Variants in KIF5C observed in about 807,000 individuals in gnomAD.
The protein encoded by KIF5C is kinesin family member 5C, also known as kinesin heavy chain isoform 5C.
Under a neutral mutation model 125.2 loss-of-function variants are expected in KIF5C, and 18 were observed. That is an observed-to-expected ratio of 0.14 (90% CI 0.10 to 0.21). KIF5C has a LOEUF of 0.21. Among genes scored for constraint, KIF5C ranks in the 10% least tolerant of loss-of-function variants. The pLI, the probability that KIF5C is intolerant of heterozygous loss-of-function variation, is 1.00. For missense variants in KIF5C, 780 were observed against 1,183.8 expected (o/e 0.66, Z 5.01); for synonymous variants, 405 against 434.0 (o/e 0.93, Z 0.83).
chr2:148,939,036 A>T (rs573437741), intron 4 of KIF5C, among the ~76,000 whole-genome samples: 1 of 151,310 alleles, frequency 6.6e-6, no homozygotes, highest in Admixed American at 6.6e-5. Flanking sequence ...CAGAGGTTGC[A>T]GTGAGCTGAG....
chr2:148,906,724 G>T (rs937810818), intron 1 of KIF5C, among the ~76,000 whole-genome samples: 3 of 151,708 alleles, frequency 2.0e-5, no homozygotes, highest in Non-Finnish European at 2.9e-5. Flanking sequence ...AATTACCTGG[G>T]TGTGGTGGTG....
intron 3 of KIF5C, among the ~76,000 whole-genome samples, chr2:148,935,334 A>G (rs150877395): frequency 1.7e-3 from 265 of 152,354 alleles, no homozygotes; most frequent in African/African-American, 5.8e-3. Flanking sequence ...TGGATTATCA[A>G]TCGTTCTTCT....
intron 14 of KIF5C, among the ~76,000 whole-genome samples, chr2:148,982,485 G>A (rs977973858): frequency 6.6e-6 from 1 of 152,210 alleles, no homozygotes; most frequent in Non-Finnish European, 1.5e-5. Flanking sequence ...AGCAGATGGC[G>A]CAGGAGAGTG....
chr2:148,990,168 C>T (rs1169903855), intron 15 of KIF5C, among the ~76,000 whole-genome samples: 1 of 152,194 alleles, frequency 6.6e-6, no homozygotes, highest in Non-Finnish European at 1.5e-5. Flanking sequence ...GTTTGCATTT[C>T]AGCGGATGGG....
intron 3 of KIF5C, among the ~76,000 whole-genome samples, chr2:148,935,627 C>T (rs1468940798): frequency 6.6e-6 from 1 of 152,172 alleles, no homozygotes; most frequent in Non-Finnish European, 1.5e-5. Context: ...GTTTTCTTTC[C>T]TAAGATATAT....
rs538601855 is a variant in KIF5C at position 148,953,147 on chromosome 2, G to A, written c.968+2685G>A. 2.6e-5 allele frequency among the ~76,000 whole-genome samples: 4 copies of A among 152,358 alleles called. No individual in the cohort carries two copies. In the East Asian group the frequency reaches 7.7e-4, roughly 29 times the overall value. ...TGCTCTCTGTGACAGCAGGGACTGA[G>A]TTTGTCACAGACATTAGTTTCTCAT... On this transcript the variant is annotated intron_variant, in intron 10 of 25. Transcript: ENST00000435030.
intron 7 of KIF5C, among the ~76,000 whole-genome samples, chr2:148,945,721 C>G (rs555676518): frequency 2.6e-5 from 4 of 152,146 alleles, no homozygotes; most frequent in Non-Finnish European, 5.9e-5. Flanking sequence ...CCCTTCCCCT[C>G]AAGTCCCCAA....
chr2:148,989,005 G>A (rs1681454159), intron 15 of KIF5C, among the ~76,000 whole-genome samples: 1 of 152,200 alleles, frequency 6.6e-6, no homozygotes, highest in South Asian at 2.1e-4. Context: ...GACAGGTGGT[G>A]TTTGGTTACA....
chr2:148,906,581 G>A (rs1681117667), intron 1 of KIF5C, among the ~76,000 whole-genome samples: 1 of 151,972 alleles, frequency 6.6e-6, no homozygotes, highest in Admixed American at 6.6e-5. Context: ...TAAAAATAAT[G>A]AAGTCAGGCA....
At chr2:148,913,719 A>G (rs1574730806) in intron 1 of KIF5C, among the ~76,000 whole-genome samples, 1 of 152,200 alleles carries the variant, frequency 6.6e-6, no homozygotes, top group African/African-American at 2.4e-5. Flanking sequence ...ACCGGATGGT[A>G]CTGCACTGTG....
At chr2:148,881,886 G>C (rs1422054684) in intron 1 of KIF5C, among the ~76,000 whole-genome samples, 1 of 152,040 alleles carries the variant, frequency 6.6e-6, no homozygotes, top group African/African-American at 2.4e-5. Flanking sequence ...GTAAAAAAAA[G>C]CAAAAACAAA....
chr2:148,938,106 ATAG>A (rs1289683820), intron 4 of KIF5C, among the ~76,000 whole-genome samples: 2 of 152,192 alleles, frequency 1.3e-5, no homozygotes, highest in East Asian at 3.8e-4. Flanking sequence ...ATCAAATTTG[ATAG>A]TAGGGTATAT....
In KIF5C at chr2:149,000,673, A is replaced by G. The variant is rs368150762; in HGVS notation, c.2313-49A>G. On this transcript the variant is annotated intron_variant, in intron 20 of 25. Transcript: ENST00000435030. ...CTGTGGATGCAAATAGTATCTGCTG[A>G]AATCTCTGAGTCCCCTGTGGTGGTC... 2.1e-5 allele frequency: 33 copies of G among 1,605,744 alleles called. No individual in the cohort carries two copies. The African/African-American group carries it at 3.8e-4, about 18-fold the overall frequency.
intron 1 of KIF5C, among the ~76,000 whole-genome samples, chr2:148,899,170 G>A (rs1252828555): frequency 2.0e-5 from 3 of 151,798 alleles, no homozygotes; most frequent in Non-Finnish European, 4.4e-5. Flanking sequence ...TTTCGTCATC[G>A]AACACCTTTT....
At chr2:148,929,764 G>T (rs995265365) in intron 3 of KIF5C, among the ~76,000 whole-genome samples, 1 of 151,834 alleles carries the variant, frequency 6.6e-6, no homozygotes, top group African/African-American at 2.4e-5. Flanking sequence ...TTAAAAGTTG[G>T]CTTGTGGGCC....
intron 13 of KIF5C, among the ~76,000 whole-genome samples, chr2:148,979,495 A>G (rs536520295): frequency 1.0e-3 from 156 of 152,150 alleles, no homozygotes; most frequent in Non-Finnish European, 1.8e-3. Flanking sequence ...GGTGATCTTG[A>G]ACTCCCGGCC....
chr2:148,990,937 G>A (rs1681507444), intron 15 of KIF5C, 73 bp from the exon 16 acceptor site: 2 of 1,502,780 alleles, frequency 1.3e-6, no homozygotes, highest in Non-Finnish European at 1.8e-6. Flanking sequence ...GGATCCAGGG[G>A]CAGGTTTCCA....
chr2:148,915,580 A>G (rs1466066996), intron 1 of KIF5C, among the ~76,000 whole-genome samples: 1 of 152,224 alleles, frequency 6.6e-6, no homozygotes, highest in Non-Finnish European at 1.5e-5. Flanking sequence ...CTGAGCACCA[A>G]CCAAATGTGA....
At chr2:148,891,404 A>C (rs1177925760) in intron 1 of KIF5C, among the ~76,000 whole-genome samples, 1 of 150,718 alleles carries the variant, frequency 6.6e-6, no homozygotes, top group Admixed American at 6.6e-5. Context: ...TTTTATTATT[A>C]TTTTTTTCCT....
Sources: allele counts gnomAD v4.1 joint callset (sites outside exome capture counted in the v4.1 genomes callset), GRCh38; gene constraint gnomAD v4.1.1; transcripts MANE v1.5; gene names NCBI Gene and HGNC (gene_info 2026-07-23, HGNC 2026-07-21).